CNTNAP2: variants seen among roughly 807,000 people sequenced by gnomAD.
The protein encoded by CNTNAP2 is contactin associated protein 2, also known as contactin-associated protein-like 2.
CNTNAP2 carries 98 observed loss-of-function variants against 155.2 expected under a neutral mutation model. That is an observed-to-expected ratio of 0.63 (90% CI 0.54 to 0.75). The LOEUF (loss-of-function observed/expected upper bound fraction) is 0.75, where lower values mean the gene tolerates loss of function less well. CNTNAP2 is among the 30% of genes least tolerant of loss of function. CNTNAP2 has a pLI of 0.00. For missense variants in CNTNAP2, 1,727 were observed against 1,688.1 expected (o/e 1.02, Z -0.40); for synonymous variants, 651 against 631.2 (o/e 1.03, Z -0.47).
chr7:147,640,036 C>T (rs1317097421), intron 13 of CNTNAP2, among the ~76,000 whole-genome samples: 1 of 152,152 alleles, frequency 6.6e-6, no homozygotes, highest in Non-Finnish European at 1.5e-5. Flanking sequence ...GTCAAAGAAA[C>T]ATGAGCTCAT....
intron 13 of CNTNAP2, among the ~76,000 whole-genome samples, chr7:147,790,011 A>G (rs181820737): frequency 2.6e-5 from 4 of 152,304 alleles, no homozygotes; most frequent in Non-Finnish European, 4.4e-5. Flanking sequence ...GTGTGAGTCA[A>G]TACTCCTTAA....
intron 3 of CNTNAP2, among the ~76,000 whole-genome samples, chr7:146,936,255 G>A (rs1464585586): frequency 6.6e-6 from 1 of 152,166 alleles, no homozygotes; most frequent in Non-Finnish European, 1.5e-5. Flanking sequence ...AGAAGAAACT[G>A]TATAAAAATG....
chr7:146,968,109 C>A (rs1282126095), intron 3 of CNTNAP2, among the ~76,000 whole-genome samples: 1 of 151,150 alleles, frequency 6.6e-6, no homozygotes, highest in African/African-American at 2.4e-5. Context: ...TGCTGGATTA[C>A]ATTTATTGAT....
rs577255733 is a variant in CNTNAP2, at chr7:146,440,934, T to C, written c.97+323961T>C. On this transcript the variant is annotated intron_variant, in intron 1 of 23. Coordinates refer to ENST00000361727, the MANE Select transcript of CNTNAP2 (RefSeq NM_014141.6). ...CATTACCAAATACGTAATGTGATTG[T>C]TGATTGTACATTTGGAATGTCACAC... 2.0e-5 allele frequency among the ~76,000 whole-genome samples: 3 copies of C among 151,612 alleles called. No homozygotes were observed. In the East Asian group the frequency reaches 5.8e-4, roughly 29 times the overall value.
At chr7:147,670,883 A>T (rs1277694217) in intron 13 of CNTNAP2, among the ~76,000 whole-genome samples, 4 of 152,228 alleles carry the variant, frequency 2.6e-5, no homozygotes, top group African/African-American at 9.6e-5. Context: ...GAGTAGGCAG[A>T]GGGACGACTC....
intron 1 of CNTNAP2, among the ~76,000 whole-genome samples, chr7:146,657,912 T>C (rs923041724): frequency 6.6e-6 from 1 of 152,082 alleles, no homozygotes; most frequent in Non-Finnish European, 1.5e-5. Flanking sequence ...ACAAAATAAG[T>C]TCATCATTAA....
chr7:148,261,358 C>G (rs1241709176), intron 20 of CNTNAP2, among the ~76,000 whole-genome samples: 1 of 152,184 alleles, frequency 6.6e-6, no homozygotes, highest in Non-Finnish European at 1.5e-5. Context: ...TGGGGTTTCA[C>G]CATGTTGGCC....
chr7:146,537,711 G>A (rs539148452), intron 1 of CNTNAP2, among the ~76,000 whole-genome samples: 2 of 152,202 alleles, frequency 1.3e-5, no homozygotes, highest in African/African-American at 4.8e-5. Context: ...CTGGGACAGT[G>A]AGCATTTCAG....
At chr7:147,943,720 GTCAC>G (rs568140482) in intron 14 of CNTNAP2, among the ~76,000 whole-genome samples, 32 of 117,240 alleles carry the variant, frequency 2.7e-4, no homozygotes, top group Non-Finnish European at 4.3e-4. Context: ...CTGAGATAAT[GTCAC>G]TCACTGCACT....
intron 1 of CNTNAP2, among the ~76,000 whole-genome samples, chr7:146,128,914 G>A (rs1797675918): frequency 1.3e-5 from 2 of 151,994 alleles, no homozygotes; most frequent in East Asian, 1.9e-4. Context: ...ATCTGTATGA[G>A]TCAAAACCAA....
At chr7:148,165,096 G>T (rs1395021091) in intron 17 of CNTNAP2, among the ~76,000 whole-genome samples, 1 of 152,138 alleles carries the variant, frequency 6.6e-6, no homozygotes, top group Non-Finnish European at 1.5e-5. Context: ...CCATAGTCTG[G>T]TGGCTTAAAC....
At position 147,504,373 on chromosome 7, in the gene CNTNAP2, A is replaced by G. The variant is rs148297308; in HGVS notation, c.1777+18332A>G. Among the ~76,000 whole-genome samples the G allele has an allele frequency of 6.0e-3, 907 of 152,160 alleles. 4 individuals carry two copies. The highest frequency in any genetic ancestry group is 9.6e-3 in the Admixed American group (146 of 15,284). ...TCATTTATTCTAGCTACCTCATTTT[A>G]TGGAGACAGTATATAATCATTAAAA... is the stretch of plus-strand genomic sequence containing the variant. On this transcript the variant is annotated intron_variant, in intron 11 of 23. Transcript: ENST00000361727.
At chr7:147,334,130 G>A (rs913996391) in intron 9 of CNTNAP2, among the ~76,000 whole-genome samples, 6 of 152,204 alleles carry the variant, frequency 3.9e-5, no homozygotes, top group African/African-American at 1.4e-4. Context: ...GTCTAACTCT[G>A]GTCCTCTCAA....
At chr7:147,015,321 T>A (rs1798700785) in intron 3 of CNTNAP2, among the ~76,000 whole-genome samples, 1 of 152,146 alleles carries the variant, frequency 6.6e-6, no homozygotes, top group South Asian at 2.1e-4. Flanking sequence ...AATATAAAGT[T>A]CTTAGCACCT....
chr7:146,775,383 A>G (rs1418636912), intron 2 of CNTNAP2, among the ~76,000 whole-genome samples: 2 of 152,168 alleles, frequency 1.3e-5, no homozygotes, highest in African/African-American at 4.8e-5. Flanking sequence ...TTATTTCACA[A>G]TACATATGTC....
chr7:146,380,797 T>C (rs1292303741), intron 1 of CNTNAP2, among the ~76,000 whole-genome samples: 1 of 112,646 alleles, frequency 8.9e-6, no homozygotes, highest in Non-Finnish European at 1.8e-5. Flanking sequence ...TTTTTTTTTT[T>C]TTTTTTTTTT....
intron 1 of CNTNAP2, among the ~76,000 whole-genome samples, chr7:146,145,076 A>G (rs1797938564): frequency 6.6e-6 from 1 of 152,188 alleles, no homozygotes. Context: ...GCCCCCAGAC[A>G]GTGACTCTGC....
chr7:148,144,736 C>T (rs1466090310), intron 16 of CNTNAP2, among the ~76,000 whole-genome samples: 1 of 152,238 alleles, frequency 6.6e-6, no homozygotes, highest in East Asian at 1.9e-4. Context: ...AGAATTTGTT[C>T]GGTATATAAG....
chr7:146,218,522 A>G (rs1461986042), intron 1 of CNTNAP2, among the ~76,000 whole-genome samples: 1 of 91,152 alleles, frequency 1.1e-5, no homozygotes, highest in Non-Finnish European at 2.5e-5. Flanking sequence ...AACAAAAACA[A>G]AAACAAAAAC....
Sources: gnomAD v4.1 joint callset for allele counts (sites outside exome capture counted in the v4.1 genomes callset) on GRCh38, gnomAD v4.1.1 for gene constraint, MANE v1.5 for transcripts, NCBI Gene and HGNC (gene_info 2026-07-23, HGNC 2026-07-21) for gene names.